The following CD163L1 variants were observed in gnomAD, a reference collection of about 807,000 sequenced individuals.
CD163L1 encodes the protein CD163 molecule like 1.
CD163L1 carries 124 observed loss-of-function variants against 165.4 expected under a neutral mutation model. The observed-to-expected ratio is 0.75, with a 90% confidence interval of 0.65 to 0.87. The LOEUF is 0.87. Ranked by LOEUF, CD163L1 falls within the 40% of genes least tolerant of loss-of-function variation. The pLI is 0.00. For synonymous variants in CD163L1, 585 were observed against 662.2 expected, an observed-to-expected ratio of 0.88 and a Z score of 1.79; for missense variants, 1,525 against 1,799.9, an observed-to-expected ratio of 0.85 and a Z score of 2.76.
intron 18 of CD163L1, among the ~76,000 whole-genome samples, chr12:7,363,195 G>A (rs1946942484): frequency 6.6e-6 from 1 of 151,988 alleles, no homozygotes; most frequent in Admixed American, 6.6e-5. Flanking sequence ...TGTAATCCTA[G>A]CTGCTCTGGA....
Position 7,379,286 on chromosome 12 carries a change from A to C in CD163L1, c.2063T>G (p.Met688Arg). The C allele has an allele frequency of 6.2e-7, 1 of 1,613,830 alleles. No homozygotes were observed. The highest frequency in any genetic ancestry group is 1.3e-5 in the African/African-American group (1 of 75,056). The part of the protein sequence containing the change: ...VGVICSDASD[M>R]ELRLVGGSSR... ...GCTTCCACCCACAAGCCTCAGCTCC[A>C]TATCCGATGCATCTGAAACCAAATA... The change falls in exon 9 of 20, where the codon ATG becomes AGG. Residue 688 changes from methionine (M) to arginine (R), a missense_variant. By Grantham distance (91) the Met-to-Arg change is moderately conservative. Transcript: ENST00000313599.
downstream of CD163L1, among the ~76,000 whole-genome samples, chr12:7,343,632 C>G (rs1195222786): frequency 1.3e-5 from 2 of 152,188 alleles, no homozygotes; most frequent in Non-Finnish European, 2.9e-5. Flanking sequence ...TGAGAACTCA[C>G]TATCCTGAGG....
intron 4 of CD163L1, among the ~76,000 whole-genome samples, chr12:7,413,940 C>G (rs946681723): frequency 6.6e-6 from 1 of 152,116 alleles, no homozygotes; most frequent in African/African-American, 2.4e-5. Flanking sequence ...GAGAGACCCC[C>G]TAGAATCTCT....
At chr12:7,324,504 G>A in the CD163L1 span, 8,933 of 1,613,916 alleles carry the variant, frequency 5.5e-3, 445 homozygotes, top group African/African-American at 0.1. Flanking sequence ...TTCAGGTACC[G>A]TATTGGGCCA....
intron 4 of CD163L1, among the ~76,000 whole-genome samples, chr12:7,420,996 C>CATATATATATATACGTGTATATATAT (rs1565808462): frequency 1.6e-5 from 2 of 122,832 alleles, no homozygotes; most frequent in Non-Finnish European, 3.3e-5. Flanking sequence ...TATATATATA[C>CATATATATATATACGTGTATATATAT]ATATATATAT....
At position 7,379,016 on chromosome 12, in the gene CD163L1, G is replaced by A. The variant is rs371920759; in HGVS notation, c.2333C>T (p.Ala778Val). 5.2e-5 allele frequency: 83 copies of A among 1,610,902 alleles called. No homozygotes were observed. In the African/African-American group the frequency reaches 7.9e-4, roughly 15 times the overall value. ...ACTTGCTTCCATATTTAAATGACAC[G>A]CAGTCTGTTTCCACTCCCATCGTAT... ...DCIRWEWKQT[A>V]CHLNMEASLI... Residue 778 changes from alanine to valine, a missense_variant, in exon 9 of 20, where the codon GCG (alanine) becomes GTG (valine). Ala to Val is a moderately conservative substitution (Grantham distance 64). Coordinates refer to ENST00000313599, the MANE Select transcript of CD163L1 (RefSeq NM_174941.6).
At chr12:7,418,706 A>G (rs773628044) in intron 4 of CD163L1, among the ~76,000 whole-genome samples, 216 of 152,156 alleles carry the variant, frequency 1.4e-3, no homozygotes, top group Middle Eastern at 3.4e-3. Flanking sequence ...ATTACAACCA[A>G]TATCACAGAA....
chr12:7,349,115 G>A (rs1946691166), intron 4 of CD163L1, among the ~76,000 whole-genome samples: 1 of 152,092 alleles, frequency 6.6e-6, no homozygotes, highest in South Asian at 2.1e-4. Flanking sequence ...TGTCTCTACG[G>A]AAATATGTTT....
At chr12:7,399,435 T>C (rs1304998781) in intron 6 of CD163L1, among the ~76,000 whole-genome samples, 1 of 150,442 alleles carries the variant, frequency 6.6e-6, no homozygotes, top group African/African-American at 2.4e-5. Context: ...CCCATTCTTC[T>C]TCTTCCTCTT....
At chr12:7,354,646 AT>A, downstream of CD163L1, among the ~76,000 whole-genome samples, 1 of 152,144 alleles carries the variant, frequency 6.6e-6, no homozygotes, top group Admixed American at 6.6e-5. Context: ...AAACAACAGA[AT>A]TTTTTTCCCT....
At chr12:7,362,574 G>A (rs780670472) in intron 18 of CD163L1, among the ~76,000 whole-genome samples, 69 of 140,906 alleles carry the variant, frequency 4.9e-4, no homozygotes, top group Admixed American at 1.9e-3. Context: ...GTAATTTATA[G>A]CATATCATAT....
At chr12:7,431,752 A>AT (rs755424506) in intron 4 of CD163L1, among the ~76,000 whole-genome samples, 19 of 152,070 alleles carry the variant, frequency 1.2e-4, no homozygotes, top group African/African-American at 4.6e-4. Context: ...AACTTAAAGT[A>AT]TAAAAAAAAA....
rs1432820363 is a variant in CD163L1, at chr12:7,400,531, G to A, written c.1409-1947C>T. On this transcript the variant is annotated intron_variant, in intron 6 of 19. Transcript: ENST00000313599. The surrounding 1 kb of genome is among the most constrained non-coding windows in gnomAD (Gnocchi z 4.1). Reference sequence around the variant, plus strand: ...TATTTATATTGTATTTTAATAGACTGGGTTTTGCTATGTTGCCCAGGCTGG... The same window carrying A: ...TATTTATATTGTATTTTAATAGACTAGGTTTTGCTATGTTGCCCAGGCTGG... 6.6e-6 allele frequency among the ~76,000 whole-genome samples: 1 copy of A among 152,064 alleles called. No individual in the cohort carries two copies. The highest frequency in any genetic ancestry group is 2.4e-5 in the African/African-American group (1 of 41,396).
downstream of CD163L1, among the ~76,000 whole-genome samples, chr12:7,345,281 A>C (rs1459332146): frequency 2.0e-5 from 3 of 152,152 alleles, no homozygotes; most frequent in Non-Finnish European, 2.9e-5. Flanking sequence ...GCCAGGCCAC[A>C]TCTTGAATGC....
At chr12:7,324,317 T>C in the CD163L1 span, 4 of 1,613,776 alleles carry the variant, frequency 2.5e-6, no homozygotes, top group African/African-American at 5.3e-5. Flanking sequence ...GAGATTTTTA[T>C]GTCACTGGAG....
chr12:7,398,650 A>C lies in CD163L1; in HGVS notation c.1409-66T>G. ...AGAGTCTTTTCAGAAGACTGAAAAGACTCTCTAAATTCACGACTATAAGGC... is the reference window on the plus strand; with the variant it reads ...AGAGTCTTTTCAGAAGACTGAAAAGCCTCTCTAAATTCACGACTATAAGGC... On this transcript the variant is annotated intron_variant, in intron 6 of 19. Transcript: ENST00000313599. The surrounding 1 kb of genome is among the most constrained non-coding windows in gnomAD (Gnocchi z 4.5). 7.3e-7 allele frequency: 1 copy of C among 1,375,074 alleles called. No individual in the cohort carries two copies. Among genetic ancestry groups the C allele is most frequent in the Non-Finnish European group, 9.8e-7 (1 of 1,017,256 alleles). 85.2% of individuals were successfully genotyped at this position (1,375,074 alleles called of 1,614,324 possible).
rs772300213 is a variant in CD163L1 at position 7,400,276 on chromosome 12, T to C, written c.1409-1692A>G. Among the ~76,000 whole-genome samples, 5 of 152,318 alleles carry C rather than the reference T, an allele frequency of 3.3e-5. No individual in the cohort carries two copies. Among genetic ancestry groups the C allele is most frequent in the South Asian group, 4.1e-4 (2 of 4,828 alleles). On this transcript the variant is annotated intron_variant, in intron 6 of 19. Coordinates refer to ENST00000313599, the MANE Select transcript of CD163L1 (RefSeq NM_174941.6). The surrounding 1 kb of genome is among the most constrained non-coding windows in gnomAD (Gnocchi z 4.1). ...GCTTCCACAATATAATGGAAACCAA[T>C]GTATTCAATGTAGGTTAAATGTGTG...
chr12:7,410,435 A>G (rs1276179151), intron 4 of CD163L1, among the ~76,000 whole-genome samples: 3 of 152,010 alleles, frequency 2.0e-5, no homozygotes, highest in Non-Finnish European at 2.9e-5. Context: ...GTGAAACCCT[A>G]TCTCTATTAA....
intron 2 of CD163L1, among the ~76,000 whole-genome samples, chr12:7,435,210 T>C (rs1202181654): frequency 6.6e-6 from 1 of 151,978 alleles, no homozygotes; most frequent in Middle Eastern, 3.4e-3. Flanking sequence ...TTTTTAGACA[T>C]ACCAAATTTC....
Sources: gnomAD v4.1 joint callset for allele counts (sites outside exome capture counted in the v4.1 genomes callset) on GRCh38, gnomAD v4.1.1 for gene constraint, Gnocchi (gnomAD v3.1) non-coding constraint, MANE v1.5 for transcripts, NCBI Gene and HGNC (gene_info 2026-07-23, HGNC 2026-07-21) for gene names.